KAT6B: variants seen among roughly 807,000 people sequenced by gnomAD.
The protein encoded by KAT6B is lysine acetyltransferase 6B.
KAT6B carries 10 observed loss-of-function variants against 187.5 expected under a neutral mutation model. That is an observed-to-expected ratio of 0.05 (90% CI 0.03 to 0.09). The LOEUF (loss-of-function observed/expected upper bound fraction) is 0.09, where lower values mean the gene tolerates loss of function less well. KAT6B is among the 10% of genes least tolerant of loss of function. The probability of loss-of-function intolerance (pLI) is 1.00; values close to 1 mark genes in which losing one functional copy is unlikely to be tolerated. For synonymous variants in KAT6B, 861 were observed against 926.8 expected (o/e 0.93, Z 1.29); for missense variants, 1,952 against 2,558.9 (o/e 0.76, Z 5.12).
At chr10:74,996,962 G>A (rs1843474548) in intron 13 of KAT6B, among the ~76,000 whole-genome samples, 1 of 152,060 alleles carries the variant, frequency 6.6e-6, no homozygotes, top group African/African-American at 2.4e-5. Context: ...AAAGATGTTT[G>A]ATGTTTACAA....
intron 13 of KAT6B, among the ~76,000 whole-genome samples, chr10:74,997,426 G>A (rs1274948282): frequency 2.0e-5 from 3 of 151,962 alleles, no homozygotes; most frequent in Non-Finnish European, 4.4e-5. Context: ...CAGTCCTCAC[G>A]GCAACAGTTG....
intron 3 of KAT6B, among the ~76,000 whole-genome samples, chr10:74,915,179 G>A (rs1398485250): frequency 6.6e-6 from 1 of 152,008 alleles, no homozygotes; most frequent in Non-Finnish European, 1.5e-5. Flanking sequence ...TAATCATAAT[G>A]ATACATTATT....
intron 13 of KAT6B, among the ~76,000 whole-genome samples, chr10:75,001,485 C>G (rs953764326): frequency 6.6e-6 from 1 of 152,304 alleles, no homozygotes; most frequent in South Asian, 2.1e-4. Flanking sequence ...TATCCACTCT[C>G]TCAGAGAGAA....
At position 74,972,229 on chromosome 10, in the gene KAT6B, T is replaced by C. The variant is rs1029899920; in HGVS notation, c.929-278T>C. Among the ~76,000 whole-genome samples the C allele has an allele frequency of 3.3e-5, 5 of 152,130 alleles. 1 individual carries two copies. The South Asian group carries it at 1.0e-3, about 32-fold the overall frequency. ...TCTGACAGGGGCGAGTTTTCATGTGTGTTTATGTGTTGGTGAGAGGCTTAA... is the reference window on the plus strand; with the variant it reads ...TCTGACAGGGGCGAGTTTTCATGTGCGTTTATGTGTTGGTGAGAGGCTTAA... On this transcript the variant is annotated intron_variant, in intron 6 of 17. Transcript: ENST00000287239.
chr10:74,876,415 A>G (rs1230539958), intron 3 of KAT6B, among the ~76,000 whole-genome samples: 1 of 152,050 alleles, frequency 6.6e-6, no homozygotes, highest in African/African-American at 2.4e-5. Flanking sequence ...TGCTTTTTGT[A>G]GTACTATTTC....
At chr10:74,942,172 CAA>C (rs1849719832) in intron 3 of KAT6B, among the ~76,000 whole-genome samples, 1 of 151,780 alleles carries the variant, frequency 6.6e-6, no homozygotes, top group South Asian at 2.1e-4. Context: ...AAAAACGAAA[CAA>C]AGACTTTGCA....
At chr10:74,893,670 A>G (rs1845794422) in intron 3 of KAT6B, among the ~76,000 whole-genome samples, 1 of 151,496 alleles carries the variant, frequency 6.6e-6, no homozygotes, top group Admixed American at 6.6e-5. Context: ...GGGTTTCACC[A>G]TATTGGCCAG....
At chr10:74,936,290 C>G (rs1347050967) in intron 3 of KAT6B, among the ~76,000 whole-genome samples, 3 of 151,794 alleles carry the variant, frequency 2.0e-5, no homozygotes, top group African/African-American at 7.3e-5. Context: ...GTAATCCCAG[C>G]TACTCGGGAG....
At chr10:74,845,539 CAAA>C (rs1201779378) in intron 3 of KAT6B, among the ~76,000 whole-genome samples, 1 of 119,288 alleles carries the variant, frequency 8.4e-6, no homozygotes, top group Non-Finnish European at 1.8e-5. Flanking sequence ...AAAAAAAAAA[CAAA>C]AAAAAAAAGA....
intron 3 of KAT6B, among the ~76,000 whole-genome samples, chr10:74,908,549 C>CA (rs10715826): frequency 0.36 from 39,343 of 109,178 alleles, 6,630 homozygotes; most frequent in Non-Finnish European, 0.45. Context: ...GACCCCGTCT[C>CA]AAAAAAAAAA....
intron 3 of KAT6B, among the ~76,000 whole-genome samples, chr10:74,931,033 G>A (rs1324613808): frequency 6.6e-6 from 1 of 152,118 alleles, no homozygotes; most frequent in African/African-American, 2.4e-5. Flanking sequence ...GACACAAACA[G>A]GTTTGAGAAC....
In KAT6B at chr10:74,939,357, C is replaced by A. The variant is rs185508863; in HGVS notation, c.622-20613C>A. Among the ~76,000 whole-genome samples, 303 of 152,146 alleles carry A rather than the reference C, an allele frequency of 2.0e-3. 4 individuals carry two copies. The highest frequency in any genetic ancestry group is 0.017 in the South Asian group (83 of 4,818). ...ACATACTAGGGGCTAAGGAAAATTACCCCTTTTTGACTTAAAATATGACCT... is the reference window on the plus strand; with the variant it reads ...ACATACTAGGGGCTAAGGAAAATTAACCCTTTTTGACTTAAAATATGACCT... On this transcript the variant is annotated intron_variant, in intron 3 of 17. Transcript: ENST00000287239.
At chr10:74,936,726 A>G (rs1849302373) in intron 3 of KAT6B, among the ~76,000 whole-genome samples, 1 of 152,206 alleles carries the variant, frequency 6.6e-6, no homozygotes, top group Non-Finnish European at 1.5e-5. Flanking sequence ...CGGTGTGTAT[A>G]TGACCTTATT....
At chr10:74,956,478 A>T (rs1317220096) in intron 3 of KAT6B, among the ~76,000 whole-genome samples, 2 of 152,184 alleles carry the variant, frequency 1.3e-5, no homozygotes, top group Non-Finnish European at 2.9e-5. Context: ...TCATGGGAGA[A>T]ATTGTATGGA....
chr10:74,959,122 G>T (rs1187503509), intron 3 of KAT6B, among the ~76,000 whole-genome samples: 3 of 151,912 alleles, frequency 2.0e-5, no homozygotes, highest in African/African-American at 7.3e-5. Flanking sequence ...GGTATGGTGT[G>T]GTTTACTTTT....
chr10:74,874,443 A>C (rs1287407798), intron 3 of KAT6B, among the ~76,000 whole-genome samples: 1 of 151,972 alleles, frequency 6.6e-6, no homozygotes, highest in East Asian at 1.9e-4. Flanking sequence ...GCAGTGGCGC[A>C]ATCTCGGCAC....
intron 13 of KAT6B, among the ~76,000 whole-genome samples, chr10:74,996,365 A>T (rs190193284): frequency 2.0e-4 from 31 of 152,330 alleles, no homozygotes; most frequent in African/African-American, 7.5e-4. Flanking sequence ...CAGCATATTC[A>T]CAAGCATGAC....
At chr10:74,868,934 C>G (rs570526652) in intron 3 of KAT6B, among the ~76,000 whole-genome samples, 3 of 152,206 alleles carry the variant, frequency 2.0e-5, no homozygotes, top group Non-Finnish European at 4.4e-5. Flanking sequence ...CTCTCAGGCT[C>G]ATGCTCCCTT....
chr10:74,885,022 A>C (rs960754193), intron 3 of KAT6B, among the ~76,000 whole-genome samples: 2 of 152,160 alleles, frequency 1.3e-5, no homozygotes, highest in Non-Finnish European at 2.9e-5. Flanking sequence ...GAGACTGAGA[A>C]ACTAAAATTT....
Sources: allele counts gnomAD v4.1 joint callset (sites outside exome capture counted in the v4.1 genomes callset), GRCh38; gene constraint gnomAD v4.1.1; transcripts MANE v1.5; gene names NCBI Gene and HGNC (gene_info 2026-07-23, HGNC 2026-07-21).